NRXN1: variants seen among roughly 807,000 people sequenced by gnomAD.
NRXN1 encodes the protein neurexin-1.
A neutral mutation model predicts 150.9 loss-of-function variants in NRXN1; 39 were observed. The ratio of observed to expected loss-of-function variants is 0.26; its 90% CI spans 0.20 to 0.34. NRXN1 has a LOEUF of 0.34. NRXN1 is among the 10% of genes least tolerant of loss of function. The pLI is 1.00. For missense variants in NRXN1, 1,815 were observed against 1,949.9 expected, an observed-to-expected ratio of 0.93 and a Z score of 1.30; for synonymous variants, 924 against 757.0, an observed-to-expected ratio of 1.22 and a Z score of -3.62.
chr2:50,985,197 T>C (rs1375985636), intron 2 of NRXN1, among the ~76,000 whole-genome samples: 1 of 151,912 alleles, frequency 6.6e-6, no homozygotes, highest in Non-Finnish European at 1.5e-5. Flanking sequence ...GTAGGTTTGG[T>C]AGTATAATAG....
chr2:50,756,561 C>A (rs1382083079), intron 5 of NRXN1, among the ~76,000 whole-genome samples: 4 of 151,738 alleles, frequency 2.6e-5, no homozygotes, highest in South Asian at 2.1e-4. Flanking sequence ...CAAAAAGCAG[C>A]GACTGCATTT....
chr2:50,562,214 A>T (rs566568420), intron 8 of NRXN1, among the ~76,000 whole-genome samples: 1 of 152,202 alleles, frequency 6.6e-6, no homozygotes, highest in South Asian at 2.1e-4. Flanking sequence ...TTCCTCCACC[A>T]CTTAATTTTA....
At chr2:50,031,845 C>T (rs1259001902) in intron 21 of NRXN1, among the ~76,000 whole-genome samples, 6 of 151,984 alleles carry the variant, frequency 3.9e-5, no homozygotes, top group Admixed American at 3.3e-4. Context: ...GCCCTTAATT[C>T]GCCATTCACT....
intron 5 of NRXN1, among the ~76,000 whole-genome samples, chr2:50,717,909 A>G (rs908220207): frequency 3.9e-5 from 6 of 152,162 alleles, no homozygotes; most frequent in Non-Finnish European, 5.9e-5. Flanking sequence ...CTCATGATCG[A>G]ATCACCTACT....
chr2:50,304,751 C>T (rs548225192), intron 17 of NRXN1, among the ~76,000 whole-genome samples: 8 of 152,216 alleles, frequency 5.3e-5, no homozygotes, highest in East Asian at 1.9e-4. Context: ...GCATCTATCA[C>T]AGTGTTCAAT....
At chr2:50,272,059 G>T (rs1276459923) in intron 17 of NRXN1, among the ~76,000 whole-genome samples, 1 of 152,158 alleles carries the variant, frequency 6.6e-6, no homozygotes, top group Non-Finnish European at 1.5e-5. Context: ...CTTGGAATTG[G>T]GGAAATGGGT....
chr2:50,562,992 CGTT>C (rs1012480860), intron 8 of NRXN1, among the ~76,000 whole-genome samples: 27 of 151,972 alleles, frequency 1.8e-4, no homozygotes, highest in Admixed American at 1.2e-3. Flanking sequence ...TAATTTCGCA[CGTT>C]TTTTCCTTAT....
At chr2:49,960,769 A>G (rs1675795182) in intron 21 of NRXN1, among the ~76,000 whole-genome samples, 1 of 152,180 alleles carries the variant, frequency 6.6e-6, no homozygotes, top group Admixed American at 6.5e-5. Context: ...ATCACATATT[A>G]CTACCCCAGT....
Position 50,388,315 on chromosome 2 carries a change from T to C in NRXN1, c.3364+77127A>G, listed in dbSNP as rs980640520. 2.0e-5 allele frequency among the ~76,000 whole-genome samples: 3 copies of C among 152,152 alleles called. No individual in the cohort carries two copies. The South Asian group carries it at 6.2e-4, about 32-fold the overall frequency. On this transcript the variant is annotated intron_variant, in intron 17 of 22. Coordinates refer to ENST00000401669, the MANE Select transcript of NRXN1 (RefSeq NM_001330078.2). ...AAACAATAAATATAATGTACCTACA[T>C]TTCTAATTGTTTATAATGACCATCA...
At chr2:50,838,826 TC>T (rs1355123015) in intron 5 of NRXN1, among the ~76,000 whole-genome samples, 1 of 152,026 alleles carries the variant, frequency 6.6e-6, no homozygotes, top group Non-Finnish European at 1.5e-5. Context: ...ACGTCTATCC[TC>T]CAGAACCGAG....
chr2:50,352,909 T>C (rs995219443), intron 17 of NRXN1, among the ~76,000 whole-genome samples: 1 of 151,912 alleles, frequency 6.6e-6, no homozygotes, highest in East Asian at 1.9e-4. Flanking sequence ...GAAGTGTTTA[T>C]TTATCTTGAG....
chr2:50,805,102 C>T (rs1319916007), intron 5 of NRXN1, among the ~76,000 whole-genome samples: 1 of 151,960 alleles, frequency 6.6e-6, no homozygotes, highest in Non-Finnish European at 1.5e-5. Flanking sequence ...TAGAACAATG[C>T]CTGCCACATA....
At chr2:50,304,856 C>A (rs1013792210) in intron 17 of NRXN1, among the ~76,000 whole-genome samples, 1 of 152,066 alleles carries the variant, frequency 6.6e-6, no homozygotes, top group Non-Finnish European at 1.5e-5. Context: ...CTTTGAGAGG[C>A]CAAGGTGGGC....
intron 5 of NRXN1, among the ~76,000 whole-genome samples, chr2:50,816,165 A>G (rs1405865988): frequency 6.6e-6 from 1 of 152,198 alleles, no homozygotes; most frequent in Non-Finnish European, 1.5e-5. Context: ...TAAATTGTCT[A>G]TAATAATGAG....
chr2:50,016,423 T>C (rs1181088856), intron 21 of NRXN1: 1 of 152,126 alleles, frequency 6.6e-6, no homozygotes, highest in Non-Finnish European at 1.5e-5. Context: ...CTATGTATTA[T>C]TCTGTTCTCA....
At chr2:50,478,321 AG>A (rs1558800548) in intron 15 of NRXN1, among the ~76,000 whole-genome samples, 2 of 152,214 alleles carry the variant, frequency 1.3e-5, no homozygotes, top group Non-Finnish European at 2.9e-5. Flanking sequence ...TGAGCTTACA[AG>A]TAAACAAATA....
chr2:51,020,762 A>G (rs1344425769), intron 2 of NRXN1, among the ~76,000 whole-genome samples: 1 of 152,012 alleles, frequency 6.6e-6, no homozygotes, highest in African/African-American at 2.4e-5. Flanking sequence ...ATTAAGATGT[A>G]AAGTCCCACC....
At chr2:50,125,314 T>A (rs924272875) in intron 18 of NRXN1, among the ~76,000 whole-genome samples, 2 of 152,074 alleles carry the variant, frequency 1.3e-5, no homozygotes, top group African/African-American at 4.8e-5. Context: ...ACAATCTATA[T>A]AATCTTTGTC....
chr2:50,090,791 T>C lies in NRXN1; in HGVS notation c.3718+532A>G, dbSNP rs73932924. 5.8e-3 allele frequency among the ~76,000 whole-genome samples: 888 copies of C among 152,302 alleles called. 11 individuals are homozygous for C. The highest frequency in any genetic ancestry group is 0.02 in the African/African-American group (834 of 41,566). On this transcript the variant is annotated intron_variant, in intron 19 of 22. Transcript: ENST00000401669. ...TATGAAAGTGAAAACAAACTTCTTT[T>C]ATGTACATGTTCTTATAACTGCTGA...
Sources: allele counts gnomAD v4.1 joint callset (sites outside exome capture counted in the v4.1 genomes callset), GRCh38; gene constraint gnomAD v4.1.1; transcripts MANE v1.5; gene names NCBI Gene and HGNC (gene_info 2026-07-23, HGNC 2026-07-21).